Variants in SIPA1L1 observed in about 807,000 individuals in gnomAD.
The protein encoded by SIPA1L1 is signal induced proliferation associated 1 like 1.
SIPA1L1 carries 26 observed loss-of-function variants against 162.7 expected under a neutral mutation model. The ratio of observed to expected loss-of-function variants is 0.16; its 90% CI spans 0.12 to 0.22. The LOEUF is 0.22. Among genes scored for constraint, SIPA1L1 ranks in the 10% least tolerant of loss-of-function variants. The probability of loss-of-function intolerance (pLI) is 1.00; values close to 1 mark genes in which losing one functional copy is unlikely to be tolerated. For missense variants in SIPA1L1, 1,874 were observed against 2,241.0 expected (o/e 0.84, Z 3.31); for synonymous variants, 829 against 837.4 (o/e 0.99, Z 0.17).
At chr14:71,698,788 G>A (rs2081859517) in intron 13 of SIPA1L1, among the ~76,000 whole-genome samples, 193 bp from the exon 14 acceptor site, 1 of 122,902 alleles carries the variant, frequency 8.1e-6, no homozygotes, top group African/African-American at 3.1e-5. Flanking sequence ...CCCCTCCAAG[G>A]CAGTTTTCCA....
intron 7 of SIPA1L1, among the ~76,000 whole-genome samples, chr14:71,626,064 C>A (rs2039950158): frequency 6.6e-6 from 1 of 152,146 alleles, no homozygotes; most frequent in Non-Finnish European, 1.5e-5. Context: ...ATTTAATTCA[C>A]AAAACTGGCC....
intron 2 of SIPA1L1, among the ~76,000 whole-genome samples, chr14:71,345,161 C>T (rs2036029924): frequency 6.6e-6 from 1 of 152,084 alleles, no homozygotes; most frequent in Non-Finnish European, 1.5e-5. Context: ...AGTTTGCTAC[C>T]TACCCACCTT....
chr14:71,679,814 C>T (rs1360751398), intron 12 of SIPA1L1, among the ~76,000 whole-genome samples: 1 of 152,028 alleles, frequency 6.6e-6, no homozygotes, highest in Non-Finnish European at 1.5e-5. Context: ...TTTAAACCAA[C>T]AAAGATCAAA....
At chr14:71,591,700 C>A (rs1327623894) in intron 5 of SIPA1L1, among the ~76,000 whole-genome samples, 1 of 152,078 alleles carries the variant, frequency 6.6e-6, no homozygotes, top group African/African-American at 2.4e-5. Flanking sequence ...CTTGTGAGAC[C>A]AAGGGCTTTT....
chr14:71,524,537 T>G (rs1213362240), intron 3 of SIPA1L1, among the ~76,000 whole-genome samples: 2 of 152,246 alleles, frequency 1.3e-5, no homozygotes, highest in African/African-American at 4.8e-5. Flanking sequence ...CCCACTCCCA[T>G]GGTTCCATAA....
rs71448374 is a variant in SIPA1L1, at chr14:71,633,155, ATGTTCTGTTCTGTTC to A, written c.1818+8926_1818+8940del. Among the ~76,000 whole-genome samples, 411 of 126,104 alleles carry A rather than the reference ATGTTCTGTTCTGTTC, an allele frequency of 3.3e-3. 5 individuals are homozygous for A. Among genetic ancestry groups the A allele is most frequent in the East Asian group, 0.028 (130 of 4,638 alleles). The allele number at this position is 126,104 out of a possible 152,430, so 82.7% of individuals were successfully genotyped here. On this transcript the variant is annotated intron_variant, in intron 7 of 23. Coordinates refer to ENST00000381232, the MANE Select transcript of SIPA1L1 (RefSeq NM_001386936.1). ...ATGTTATGTTATGTTATGTTATGTTATGTTCTGTTCTGTTCTGTTCTTTGGAGATGGGGCCTCACT... is the reference window on the plus strand; with the variant it reads ...ATGTTATGTTATGTTATGTTATGTTATGTTCTTTGGAGATGGGGCCTCACT...
intron 2 of SIPA1L1, chr14:71,330,662 G>A: frequency 2.3e-6 from 2 of 879,046 alleles, no homozygotes; most frequent in Non-Finnish European, 3.9e-6. Flanking sequence ...TAGTCTGGGT[G>A]GGGTACCCTC....
intron 4 of SIPA1L1, among the ~76,000 whole-genome samples, chr14:71,581,654 A>T (rs547704702): frequency 2.6e-5 from 4 of 152,296 alleles, no homozygotes; most frequent in Admixed American, 2.6e-4. Flanking sequence ...AATGTATGAC[A>T]GTTGTATTTT....
chr14:71,458,999 G>A (rs541038558), intron 2 of SIPA1L1, among the ~76,000 whole-genome samples: 40 of 151,964 alleles, frequency 2.6e-4, no homozygotes, highest in African/African-American at 8.9e-4. Flanking sequence ...TTGAACCTGG[G>A]AGGCAGAGTT....
intron 19 of SIPA1L1, among the ~76,000 whole-genome samples, chr14:71,726,101 A>G (rs558881714): frequency 2.7e-4 from 41 of 152,312 alleles, no homozygotes; most frequent in African/African-American, 8.7e-4. Flanking sequence ...ATCAACATTC[A>G]TAGGAACTGA....
At chr14:71,572,210 G>A (rs945428229) in intron 4 of SIPA1L1, among the ~76,000 whole-genome samples, 4 of 152,150 alleles carry the variant, frequency 2.6e-5, no homozygotes, top group Non-Finnish European at 4.4e-5. Context: ...CACAAGGACA[G>A]CTCTCATAAT....
chr14:71,551,619 C>T (rs1018078876), intron 4 of SIPA1L1, among the ~76,000 whole-genome samples: 4 of 152,190 alleles, frequency 2.6e-5, no homozygotes, highest in Non-Finnish European at 2.9e-5. Context: ...TCTTGAGCTG[C>T]GTTATGTCAT....
At position 71,446,894 on chromosome 14, in the gene SIPA1L1, G is replaced by GTTTTTTTTTTTT. The variant is rs765106790; in HGVS notation, c.-464-65838_-464-65837insTTTTTTTTTTTT. ...CTGCAAATAAAGAGAGATGGGCTCT[G>GTTTTTTTTTTTT]TTTTTTTTTTTGTTTTTTTTTTTTT... On this transcript the variant is annotated intron_variant, in intron 2 of 23. Coordinates refer to ENST00000381232, the MANE Select transcript of SIPA1L1 (RefSeq NM_001386936.1). 8.7e-4 allele frequency among the ~76,000 whole-genome samples: 76 copies of GTTTTTTTTTTTT among 87,394 alleles called. 8 individuals carry two copies. Among genetic ancestry groups the GTTTTTTTTTTTT allele is most frequent in the African/African-American group, 2.0e-3 (47 of 22,992 alleles). 57.3% of individuals were successfully genotyped at this position (87,394 alleles called of 152,430 possible). A position where few individuals can be genotyped will look rare whatever the true frequency, so the allele number is the denominator to read the frequency against.
Position 71,709,312 on chromosome 14 carries a change from G to C in SIPA1L1, c.3856G>C (p.Asp1286His). 6.2e-7 allele frequency: 1 copy of C among 1,614,178 alleles called. No homozygotes were observed. The highest frequency in any genetic ancestry group is 8.5e-7 in the Non-Finnish European group (1 of 1,180,030). ...TAGTGATGAGAAGTGGTACGATGGG[G>C]ACCGCACAGAATCCGAACTCAACAG... is the stretch of plus-strand genomic sequence containing the variant. Reference protein sequence around the residue: ...AHSDEKWYDGDRTESELNSYN... With the variant: ...AHSDEKWYDGHRTESELNSYN... The change falls in exon 17 of 24, where the codon GAC becomes CAC. Residue 1286 changes from aspartate to histidine, a missense_variant. This residue lies in a region of SIPA1L1 where 936 missense variants were observed against 1,051.9 expected (regional missense o/e 0.89). Transcript: ENST00000381232.
intron 2 of SIPA1L1, among the ~76,000 whole-genome samples, chr14:71,467,742 A>G (rs540369375): frequency 2.6e-5 from 4 of 151,918 alleles, no homozygotes; most frequent in South Asian, 2.1e-4. Context: ...TTGACTGGGC[A>G]TGGTGGCTTA....
At chr14:71,565,169 C>G (rs1193707216) in intron 4 of SIPA1L1, among the ~76,000 whole-genome samples, 1 of 152,114 alleles carries the variant, frequency 6.6e-6, no homozygotes, top group Non-Finnish European at 1.5e-5. Flanking sequence ...TCATGTTTAT[C>G]CTAATGTCTT....
chr14:71,668,784 G>C (rs1052920152), intron 10 of SIPA1L1, among the ~76,000 whole-genome samples: 10 of 152,276 alleles, frequency 6.6e-5, no homozygotes, highest in Admixed American at 2.0e-4. Flanking sequence ...TTTAAAGCAT[G>C]TATTATTTCC....
chr14:71,353,267 A>T (rs1056222841), intron 2 of SIPA1L1, among the ~76,000 whole-genome samples: 1 of 152,186 alleles, frequency 6.6e-6, no homozygotes, highest in African/African-American at 2.4e-5. Flanking sequence ...ATTTTAGTTT[A>T]TCTCAAGGTC....
At chr14:71,629,201 T>G (rs1267013758) in intron 7 of SIPA1L1, among the ~76,000 whole-genome samples, 2 of 152,196 alleles carry the variant, frequency 1.3e-5, no homozygotes, top group African/African-American at 4.8e-5. Context: ...CCTCCCAAAG[T>G]GCTGGGATTA....
Sources: gnomAD v4.1 joint callset for allele counts (sites outside exome capture counted in the v4.1 genomes callset) on GRCh38, gnomAD v4.1.1 for gene constraint, gnomAD v4.1.1 regional missense constraint, MANE v1.5 for transcripts, NCBI Gene and HGNC (gene_info 2026-07-23, HGNC 2026-07-21) for gene names.